Variants in CAPZA2 observed in about 807,000 individuals in gnomAD.
CAPZA2 encodes the protein F-actin-capping protein subunit alpha-2.
CAPZA2 carries 13 observed loss-of-function variants against 44.0 expected under a neutral mutation model. That is an observed-to-expected ratio of 0.30 (90% CI 0.19 to 0.47). CAPZA2 has a LOEUF of 0.47. CAPZA2 is among the 20% of genes least tolerant of loss of function. CAPZA2 has a pLI of 1.00. For missense variants in CAPZA2, 244 were observed against 338.6 expected (o/e 0.72, Z 2.19); for synonymous variants, 94 against 108.2 (o/e 0.87, Z 0.81).
intron 6 of CAPZA2, chr7:116,906,577 A>T: frequency 3.7e-6 from 2 of 534,430 alleles, no homozygotes; most frequent in Non-Finnish European, 5.8e-6. Context: ...AGCAAACAGC[A>T]TCCTGAGGGA....
intron 1 of CAPZA2, among the ~76,000 whole-genome samples, chr7:116,868,019 C>A (rs969790734): frequency 6.6e-6 from 1 of 152,150 alleles, no homozygotes; most frequent in South Asian, 2.1e-4. Flanking sequence ...ATGTAGTAAG[C>A]GCACAATAAA....
At chr7:116,880,942 C>T (rs1796690767) in intron 1 of CAPZA2, among the ~76,000 whole-genome samples, 1 of 151,650 alleles carries the variant, frequency 6.6e-6, no homozygotes, top group Non-Finnish European at 1.5e-5. Flanking sequence ...CCCCTGAGTT[C>T]AGGCAATCTG....
At chr7:116,865,320 G>A (rs527568883) in intron 1 of CAPZA2, among the ~76,000 whole-genome samples, 7 of 151,278 alleles carry the variant, frequency 4.6e-5, no homozygotes, top group Non-Finnish European at 1.0e-4. Flanking sequence ...CGAGTAGCTG[G>A]GATAACTGGC....
chr7:116,908,218 G>T (rs532319569), intron 6 of CAPZA2, among the ~76,000 whole-genome samples: 5 of 151,834 alleles, frequency 3.3e-5, no homozygotes, highest in Non-Finnish European at 2.9e-5. Context: ...CTATAATCAC[G>T]CCACTGCACT....
intron 1 of CAPZA2, among the ~76,000 whole-genome samples, chr7:116,884,395 CTGTT>C (rs1175619767): frequency 5.9e-5 from 9 of 152,120 alleles, no homozygotes; most frequent in Non-Finnish European, 8.8e-5. Context: ...TCTCATTTCT[CTGTT>C]TGTAGTCAAA....
Position 116,919,995 on chromosome 7 carries a change from A to G in CAPZA2, c.*2128A>G, listed in dbSNP as rs1244620776. On this transcript the variant is annotated 3_prime_UTR_variant, in exon 10 of 10. Coordinates refer to ENST00000361183, the MANE Select transcript of CAPZA2 (RefSeq NM_006136.3). The stretch of plus-strand genomic sequence containing the variant: ...CACAGTGGCTCACACCTGTAATCCC[A>G]GCACTTTGGGAGGCCGAGGCGGGTG... 6.6e-6 allele frequency: 1 copy of G among 151,756 alleles called. No homozygotes were observed. The highest frequency in any genetic ancestry group is 2.4e-5 in the African/African-American group (1 of 41,240). The allele number at this position is 151,756 out of a possible 1,614,324, so 9.4% of individuals were successfully genotyped here.
intron 2 of CAPZA2, among the ~76,000 whole-genome samples, chr7:116,892,153 G>A (rs2115930740): frequency 6.6e-6 from 1 of 152,122 alleles, no homozygotes; most frequent in East Asian, 1.9e-4. Context: ...TGGCTGCCTA[G>A]TTTCACACTC....
At chr7:116,879,645 G>GA (rs1421991100) in intron 1 of CAPZA2, among the ~76,000 whole-genome samples, 1 of 152,134 alleles carries the variant, frequency 6.6e-6, no homozygotes, top group Non-Finnish European at 1.5e-5. Context: ...TCTGACAGGA[G>GA]ACAGAGTGCA....
chr7:116,880,721 TTTTTTTTTTTTTTG>T, intron 1 of CAPZA2, among the ~76,000 whole-genome samples: 1 of 106,072 alleles, frequency 9.4e-6, no homozygotes, highest in Non-Finnish European at 1.9e-5. Flanking sequence ...TTTTTTTTTT[TTTTTTTTTTTTTTG>T]AGACAGTCTT....
intron 4 of CAPZA2, among the ~76,000 whole-genome samples, chr7:116,900,144 C>T (rs1335099858): frequency 6.6e-6 from 1 of 151,284 alleles, no homozygotes; most frequent in African/African-American, 2.4e-5. Context: ...AATAGAGAAT[C>T]GAAGAAAACC....
At chr7:116,914,148 C>T (rs1461463291) in intron 8 of CAPZA2, among the ~76,000 whole-genome samples, 6 of 151,546 alleles carry the variant, frequency 4.0e-5, no homozygotes, top group Non-Finnish European at 7.4e-5. Context: ...CTGCCTCAGC[C>T]TCCCGAGTAG....
chr7:116,899,791 A>G (rs970494097), intron 4 of CAPZA2, among the ~76,000 whole-genome samples: 4 of 151,490 alleles, frequency 2.6e-5, no homozygotes, highest in East Asian at 1.9e-4. Context: ...AAAATGTTAG[A>G]TAGCCTCCAA....
At chr7:116,880,280 C>T (rs956682058) in intron 1 of CAPZA2, 12 of 339,326 alleles carry the variant, frequency 3.5e-5, no homozygotes, top group Non-Finnish European at 6.8e-5. Context: ...TGTAAACTTA[C>T]ATTTTAATTA....
At chr7:116,866,337 A>G (rs1327902415) in intron 1 of CAPZA2, among the ~76,000 whole-genome samples, 3 of 151,774 alleles carry the variant, frequency 2.0e-5, no homozygotes, top group Admixed American at 6.6e-5. Flanking sequence ...GCGCCCGGCT[A>G]ATTTTTTGTA....
intron 8 of CAPZA2, 119 bp downstream of exon 8, chr7:116,912,259 A>C (rs1324163197): frequency 1.4e-6 from 2 of 1,447,678 alleles, no homozygotes; most frequent in East Asian, 4.8e-5. Flanking sequence ...CTGATAGATT[A>C]AAGATAAGTA....
At chr7:116,863,476 T>C (rs1229225726) in intron 1 of CAPZA2, among the ~76,000 whole-genome samples, 1 of 152,266 alleles carries the variant, frequency 6.6e-6, no homozygotes, top group Non-Finnish European at 1.5e-5. Context: ...TTAGATGCTG[T>C]GACAGCAATG....
At chr7:116,862,812 T>C (rs905984346) in intron 1 of CAPZA2, among the ~76,000 whole-genome samples, 162 bp downstream of exon 1, 1 of 151,932 alleles carries the variant, frequency 6.6e-6, no homozygotes, top group African/African-American at 2.4e-5. Context: ...CCTGCCCCTG[T>C]CCGTCACCCG....
Position 116,912,115 on chromosome 7 carries a change from A to T in CAPZA2, c.632A>T (p.Asp211Val). ...DGNVQLVSHK[D>V]IQDSLTVSNE... The stretch of plus-strand genomic sequence containing the variant: ...AATGTTCAGCTAGTGAGTCATAAAG[A>T]TATACAAGATTCCCTAACAGTGTCT... Residue 211 changes from aspartate (D) to valine (V), a missense_variant, in exon 8 of 10, where the codon GAT (aspartate) becomes GTT (valine). By Grantham distance (152) the Asp-to-Val change is radical. Transcript: ENST00000361183. 6.2e-7 allele frequency: 1 copy of T among 1,613,056 alleles called. No individual in the cohort carries two copies. The highest frequency in any genetic ancestry group is 8.5e-7 in the Non-Finnish European group (1 of 1,179,332).
intron 1 of CAPZA2, among the ~76,000 whole-genome samples, chr7:116,871,001 A>G (rs1796548068): frequency 1.3e-5 from 2 of 152,334 alleles, no homozygotes; most frequent in South Asian, 4.1e-4. Flanking sequence ...GAAAATGCCT[A>G]GCAGATACGG....
Sources: gnomAD v4.1 joint callset for allele counts (sites outside exome capture counted in the v4.1 genomes callset) on GRCh38, gnomAD v4.1.1 for gene constraint, MANE v1.5 for transcripts, NCBI Gene and HGNC (gene_info 2026-07-23, HGNC 2026-07-21) for gene names.